KCNH8: variants seen among roughly 807,000 people sequenced by gnomAD.
KCNH8 encodes the protein potassium voltage-gated channel subfamily H member 8.
KCNH8 carries 70 observed loss-of-function variants against 103.6 expected under a neutral mutation model. The observed-to-expected ratio is 0.68, with a 90% CI of 0.56 to 0.82. The LOEUF (loss-of-function observed/expected upper bound fraction) is 0.82. Among genes scored for constraint, KCNH8 ranks in the 40% least tolerant of loss-of-function variants. The pLI, the probability that KCNH8 is intolerant of heterozygous loss-of-function variation, is 0.00. For missense variants in KCNH8, 1,217 were observed against 1,329.9 expected, an observed-to-expected ratio of 0.92 and a Z score of 1.32; for synonymous variants, 498 against 489.4, an observed-to-expected ratio of 1.02 and a Z score of -0.23.
chr3:19,288,586 T>C (rs1184165632), intron 3 of KCNH8, among the ~76,000 whole-genome samples: 1 of 152,204 alleles, frequency 6.6e-6, no homozygotes, highest in East Asian at 1.9e-4. Flanking sequence ...CTGCAAAGTA[T>C]TCCATGGTGT....
At chr3:19,473,354 G>A (rs1168373243) in intron 11 of KCNH8, among the ~76,000 whole-genome samples, 3 of 152,178 alleles carry the variant, frequency 2.0e-5, no homozygotes, top group African/African-American at 7.2e-5. Context: ...ATTAACAAGA[G>A]GACAAGTAAG....
chr3:19,352,046 A>G (rs1163817787), intron 5 of KCNH8, among the ~76,000 whole-genome samples: 1 of 152,176 alleles, frequency 6.6e-6, no homozygotes, highest in African/African-American at 2.4e-5. Context: ...AGGAAGACCT[A>G]CCAAGCAAAT....
intron 11 of KCNH8, among the ~76,000 whole-genome samples, chr3:19,463,339 T>C (rs767127987): frequency 2.6e-5 from 4 of 152,132 alleles, no homozygotes; most frequent in Non-Finnish European, 5.9e-5. Flanking sequence ...AAAAGTTTCA[T>C]ACTAGTAGTA....
At chr3:19,529,026 A>G (rs1395892358) in intron 15 of KCNH8, among the ~76,000 whole-genome samples, 1 of 152,178 alleles carries the variant, frequency 6.6e-6, no homozygotes. Context: ...AGAGAAGGGC[A>G]GAGGAGAAGA....
At chr3:19,451,548 T>A in intron 10 of KCNH8, 144 bp downstream of exon 10, 1 of 697,122 alleles carries the variant, frequency 1.4e-6, no homozygotes, top group Non-Finnish European at 2.4e-6. Context: ...ATGAGTTTAG[T>A]GTGCCTATGT....
intron 3 of KCNH8, among the ~76,000 whole-genome samples, chr3:19,312,091 G>T (rs2065215504): frequency 6.6e-6 from 1 of 151,776 alleles, no homozygotes; most frequent in Non-Finnish European, 1.5e-5. Context: ...AAAATCTGTG[G>T]AATTAATATA....
At chr3:19,368,694 A>G (rs2066045887) in intron 5 of KCNH8, among the ~76,000 whole-genome samples, 2 of 151,966 alleles carry the variant, frequency 1.3e-5, no homozygotes, top group South Asian at 2.1e-4. Flanking sequence ...TCTGCAATAT[A>G]ATAGCTGGTC....
At chr3:19,290,921 G>T (rs183812873) in intron 3 of KCNH8, among the ~76,000 whole-genome samples, 218 of 152,192 alleles carry the variant, frequency 1.4e-3, no homozygotes, top group African/African-American at 4.9e-3. Context: ...GAATTTCAGC[G>T]CCTGTTATTG....
intron 5 of KCNH8, among the ~76,000 whole-genome samples, chr3:19,359,339 CTT>C (rs1491300530): frequency 6.6e-6 from 1 of 150,714 alleles, no homozygotes; most frequent in African/African-American, 2.4e-5. Flanking sequence ...AATATATGTA[CTT>C]ATATATATAT....
intron 5 of KCNH8, among the ~76,000 whole-genome samples, chr3:19,354,122 CATTCACA>C (rs1252620341): frequency 6.6e-6 from 1 of 152,156 alleles, no homozygotes; most frequent in Non-Finnish European, 1.5e-5. Flanking sequence ...AGTGAACTCC[CATTCACA>C]ATGGCTTCAA....
intron 3 of KCNH8, among the ~76,000 whole-genome samples, chr3:19,290,692 A>G (rs891671453): frequency 6.6e-6 from 1 of 152,172 alleles, no homozygotes; most frequent in African/African-American, 2.4e-5. Flanking sequence ...AATCAGGGAT[A>G]TTGGTCTAAA....
intron 5 of KCNH8, among the ~76,000 whole-genome samples, chr3:19,388,390 A>G (rs2066388493): frequency 6.6e-6 from 1 of 152,112 alleles, no homozygotes; most frequent in Non-Finnish European, 1.5e-5. Context: ...GCCTAGAAAA[A>G]TAAAGAGGAA....
intron 3 of KCNH8, among the ~76,000 whole-genome samples, chr3:19,295,395 TAAA>T (rs1302936197): frequency 2.8e-5 from 4 of 142,780 alleles, no homozygotes; most frequent in African/African-American, 1.0e-4. Flanking sequence ...AATAAATAAA[TAAA>T]TAAATAAATA....
intron 1 of KCNH8, among the ~76,000 whole-genome samples, chr3:19,237,788 G>A (rs186287898): frequency 1.3e-5 from 2 of 152,212 alleles, no homozygotes; most frequent in Non-Finnish European, 2.9e-5. Context: ...GTATATGCAG[G>A]GCACACATGT....
intron 11 of KCNH8, among the ~76,000 whole-genome samples, chr3:19,503,476 C>T (rs896803214): frequency 1.3e-5 from 2 of 152,090 alleles, no homozygotes; most frequent in African/African-American, 4.8e-5. Context: ...GACACATGCA[C>T]ACGTATGTTT....
intron 1 of KCNH8, among the ~76,000 whole-genome samples, chr3:19,242,515 A>T (rs1017784234): frequency 2.0e-5 from 3 of 152,180 alleles, no homozygotes; most frequent in Admixed American, 6.5e-5. Flanking sequence ...CTTTAGGAAT[A>T]AAAGAAAACC....
intron 8 of KCNH8, among the ~76,000 whole-genome samples, chr3:19,444,172 G>A (rs549880084): frequency 2.6e-5 from 4 of 152,012 alleles, no homozygotes; most frequent in Non-Finnish European, 5.9e-5. Flanking sequence ...AGTGTATGGT[G>A]TTTGTTCAAT....
intron 3 of KCNH8, among the ~76,000 whole-genome samples, chr3:19,284,599 T>G (rs893226923): frequency 1.3e-5 from 2 of 151,650 alleles, no homozygotes; most frequent in African/African-American, 4.8e-5. Context: ...AGCAGGATTC[T>G]GATGGTTCTT....
intron 3 of KCNH8, among the ~76,000 whole-genome samples, chr3:19,288,959 T>C (rs1428393553): frequency 2.0e-5 from 3 of 152,220 alleles, no homozygotes; most frequent in Non-Finnish European, 2.9e-5. Flanking sequence ...GTGGTTTTGA[T>C]TTGCATTTCT....
Sources: gnomAD v4.1 joint callset for allele counts (sites outside exome capture counted in the v4.1 genomes callset) on GRCh38, gnomAD v4.1.1 for gene constraint, MANE v1.5 for transcripts, NCBI Gene and HGNC (gene_info 2026-07-23, HGNC 2026-07-21) for gene names.